DLEU7: variants seen among roughly 807,000 people sequenced by gnomAD.
DLEU7 encodes deleted in lymphocytic leukemia 7.
A neutral mutation model predicts 16.0 loss-of-function variants in DLEU7; 17 were observed. That is an observed-to-expected ratio of 1.06 (90% CI 0.73 to 1.59). The LOEUF (loss-of-function observed/expected upper bound fraction) is 1.59. DLEU7 is among the 40% of genes most tolerant of loss of function. DLEU7 has a pLI of 0.00. For missense variants in DLEU7, 308 were observed against 314.9 expected, an observed-to-expected ratio of 0.98 and a Z score of 0.17; for synonymous variants, 113 against 139.8, an observed-to-expected ratio of 0.81 and a Z score of 1.35.
intron 1 of DLEU7, among the ~76,000 whole-genome samples, chr13:50,741,649 T>TC (rs1419451144): frequency 1.3e-5 from 2 of 152,126 alleles, no homozygotes; most frequent in African/African-American, 4.8e-5. Context: ...TTTTAAGAAT[T>TC]CCCCATAGCT....
At chr13:50,733,983 C>T (rs1448678966) in intron 1 of DLEU7, among the ~76,000 whole-genome samples, 3 of 152,218 alleles carry the variant, frequency 2.0e-5, no homozygotes, top group Non-Finnish European at 4.4e-5. Flanking sequence ...TATTACCGCA[C>T]TCTCTGGCTT....
chr13:50,740,177 T>C (rs186684009), intron 1 of DLEU7, among the ~76,000 whole-genome samples: 109 of 152,286 alleles, frequency 7.2e-4, no homozygotes, highest in African/African-American at 2.5e-3. Context: ...ATTGATCCCT[T>C]GGTACATTCC....
chr13:50,821,543 G>A (rs1446260975), downstream of DLEU7, among the ~76,000 whole-genome samples: 1 of 152,138 alleles, frequency 6.6e-6, no homozygotes, highest in Non-Finnish European at 1.5e-5. Context: ...TTCTATGGGA[G>A]TTTAGAAGAG....
intron 1 of DLEU7, among the ~76,000 whole-genome samples, chr13:50,832,731 G>A (rs895287399): frequency 3.3e-5 from 5 of 152,006 alleles, no homozygotes; most frequent in African/African-American, 4.8e-5. Context: ...CCTTAATTTC[G>A]TTATTTACCC....
Position 50,843,291 on chromosome 13 carries a change from C to T in DLEU7, c.356G>A (p.Ser119Asn). The T allele has an allele frequency of 1.9e-6, 3 of 1,559,816 alleles. No homozygotes were observed. Among genetic ancestry groups the T allele is most frequent in the Non-Finnish European group, 2.6e-6 (3 of 1,152,860 alleles). ...PCTLAQMAMR[S>N]ALARVVDSTS... ...CGAGTCCACCACGCGGGCCAGCGCG[C>T]TGCGCATCGCCATCTGGGCCAGGGT... Residue 119 changes from serine to asparagine, a missense_variant, in exon 1 of 2, where the codon AGC becomes AAC. Physicochemically the swap from Ser to Asn is conservative, Grantham distance 46. Coordinates refer to ENST00000504404, the MANE Select transcript of DLEU7 (RefSeq NM_001306135.2). This position sits in a 1 kb window ranked among gnomAD's most constrained non-coding sequence, Gnocchi z 5.7.
intron 1 of DLEU7, among the ~76,000 whole-genome samples, chr13:50,723,684 C>T (rs1873682876): frequency 6.6e-6 from 1 of 152,032 alleles, no homozygotes; most frequent in Admixed American, 6.6e-5. Context: ...GCACTAATCA[C>T]ATCATGAAAG....
At chr13:50,724,650 G>T (rs947414922) in intron 1 of DLEU7, among the ~76,000 whole-genome samples, 2 of 152,178 alleles carry the variant, frequency 1.3e-5, no homozygotes, top group Admixed American at 1.3e-4. Flanking sequence ...TGATAGAGGA[G>T]ATTCTGTCAA....
At chr13:50,719,070 A>T (rs1204258614) in intron 1 of DLEU7, among the ~76,000 whole-genome samples, 3 of 152,254 alleles carry the variant, frequency 2.0e-5, no homozygotes, top group Non-Finnish European at 4.4e-5. Flanking sequence ...AACAGTAGAC[A>T]TCAGCAATCA....
chr13:50,747,262 C>T (rs1231182466), intron 1 of DLEU7, among the ~76,000 whole-genome samples: 1 of 151,628 alleles, frequency 6.6e-6, no homozygotes, highest in Admixed American at 6.6e-5. Flanking sequence ...GTGTAAAACT[C>T]ATGTAAAAAT....
chr13:50,748,292 G>A (rs1486179470), intron 1 of DLEU7, among the ~76,000 whole-genome samples: 2 of 135,780 alleles, frequency 1.5e-5, no homozygotes, highest in Admixed American at 8.8e-5. Flanking sequence ...TTCACAGCTG[G>A]CCAGGACAGG....
intron 1 of DLEU7, among the ~76,000 whole-genome samples, chr13:50,788,792 A>C (rs1050676386): frequency 6.6e-6 from 1 of 152,342 alleles, no homozygotes; most frequent in South Asian, 2.1e-4. Context: ...TCATCATAAC[A>C]GTGAGTGATG....
intron 1 of DLEU7, among the ~76,000 whole-genome samples, chr13:50,817,789 G>A (rs549729910): frequency 6.6e-6 from 1 of 152,182 alleles, no homozygotes; most frequent in East Asian, 1.9e-4. Flanking sequence ...AAAGAAACCT[G>A]AAGATAGTTC....
rs528090749 is a variant in DLEU7 at position 50,729,317 on chromosome 13, A to T, written c.460-16077T>A. ...CTGTTCCTTTGTCAGTTCACTTAGG[A>T]TAGTGACCTCCAGCTCCATGCATGT... On this transcript the variant is annotated intron_variant, in intron 1 of 1. Transcript: ENST00000400393. Among the ~76,000 whole-genome samples the T allele has an allele frequency of 9.8e-5, 15 of 152,324 alleles. No individual in the cohort carries two copies. The East Asian group carries it at 2.9e-3, about 29-fold the overall frequency.
In DLEU7 at chr13:50,735,115, G is replaced by A. The variant is rs1011718053; in HGVS notation, c.460-21875C>T. Among the ~76,000 whole-genome samples, 4 of 152,154 alleles carry A rather than the reference G, an allele frequency of 2.6e-5. No individual in the cohort carries two copies. In the East Asian group the frequency reaches 7.7e-4, roughly 29 times the overall value. On this transcript the variant is annotated intron_variant, in intron 1 of 1. Transcript: ENST00000400393. ...TCCAGGAAGATTTTTAGTTATAAAT[G>A]TGTATGTATAATAACAGAGTTTCAA...
chr13:50,830,313 T>C (rs559798043), intron 1 of DLEU7, among the ~76,000 whole-genome samples: 2 of 152,340 alleles, frequency 1.3e-5, no homozygotes, highest in South Asian at 4.1e-4. Flanking sequence ...GCTAAATGAA[T>C]TAGTTAAATT....
chr13:50,791,037 C>A (rs1391397474), intron 1 of DLEU7, among the ~76,000 whole-genome samples: 4 of 151,854 alleles, frequency 2.6e-5, no homozygotes, highest in Non-Finnish European at 5.9e-5. Context: ...ACCGAGTGGG[C>A]GAGGGAGGGA....
intron 1 of DLEU7, among the ~76,000 whole-genome samples, chr13:50,767,961 T>C (rs1875171774): frequency 6.6e-6 from 1 of 152,250 alleles, no homozygotes; most frequent in Non-Finnish European, 1.5e-5. Context: ...TGCCATTCTG[T>C]GACTTGCTTT....
At chr13:50,836,234 C>T (rs754027276) in intron 1 of DLEU7, among the ~76,000 whole-genome samples, 3 of 152,198 alleles carry the variant, frequency 2.0e-5, no homozygotes, top group Non-Finnish European at 4.4e-5. Flanking sequence ...TCACATTTCC[C>T]CCTCTAGCTC....
intron 1 of DLEU7, chr13:50,719,604 C>G (rs1873536371): frequency 6.6e-6 from 1 of 152,172 alleles, no homozygotes; most frequent in African/African-American, 2.4e-5. Flanking sequence ...CCACCTTGAA[C>G]AGACGGGAAA....
Sources: gnomAD v4.1 joint callset for allele counts (sites outside exome capture counted in the v4.1 genomes callset) on GRCh38, gnomAD v4.1.1 for gene constraint, Gnocchi (gnomAD v3.1) non-coding constraint, MANE v1.5 for transcripts, NCBI Gene and HGNC (gene_info 2026-07-23, HGNC 2026-07-21) for gene names.